Variants in ACTN2 observed in about 807,000 individuals in gnomAD.
ACTN2 encodes actinin alpha 2, also known as alpha-actinin-2.
ACTN2 carries 39 observed loss-of-function variants against 113.8 expected under a neutral mutation model. That is an observed-to-expected ratio of 0.34 (90% CI 0.27 to 0.45). The LOEUF is 0.45. Ranked by LOEUF, ACTN2 falls within the 20% of genes least tolerant of loss-of-function variation. The pLI is 1.00. For missense variants in ACTN2, 992 were observed against 1,177.9 expected, an observed-to-expected ratio of 0.84 and a Z score of 2.31; for synonymous variants, 429 against 444.1, an observed-to-expected ratio of 0.97 and a Z score of 0.43.
At chr1:236,753,600 C>G (rs140957577) in intron 15 of ACTN2, among the ~76,000 whole-genome samples, 1 of 152,222 alleles carries the variant, frequency 6.6e-6, no homozygotes, top group East Asian at 1.9e-4. Context: ...CCTCTGTACT[C>G]TGGACCTGGC....
chr1:236,763,172 G>A lies in ACTN2; in HGVS notation c.*553G>A. On this transcript the variant is annotated 3_prime_UTR_variant, in exon 21 of 21. Coordinates refer to ENST00000366578, the MANE Select transcript of ACTN2 (RefSeq NM_001103.4). ...TAATATTGTGAGATGGAACTGCCGG[G>A]GATTAAAAAGACTACCCAAAAGATT... 6.3e-6 allele frequency: 1 copy of A among 158,180 alleles called. No individual in the cohort carries two copies. Among genetic ancestry groups the A allele is most frequent in the Admixed American group, 6.1e-5 (1 of 16,326 alleles). 9.8% of individuals were successfully genotyped at this position (158,180 alleles called of 1,614,324 possible). A position where few individuals can be genotyped will look rare whatever the true frequency, so the allele number is the denominator to read the frequency against.
At chr1:236,740,119 CT>C (rs200227676) in intron 10 of ACTN2, among the ~76,000 whole-genome samples, 53 of 147,144 alleles carry the variant, frequency 3.6e-4, no homozygotes, top group Admixed American at 4.1e-4. Context: ...CACTCACTCA[CT>C]TTTTTTTTTT....
chr1:236,762,113 T>A (rs1054646222), intron 20 of ACTN2, among the ~76,000 whole-genome samples: 1 of 152,238 alleles, frequency 6.6e-6, no homozygotes, highest in African/African-American at 2.4e-5. Flanking sequence ...GCTGGAATTG[T>A]CCTATTTCCC....
chr1:236,700,213 C>T (rs1657632839), intron 1 of ACTN2, among the ~76,000 whole-genome samples: 1 of 152,194 alleles, frequency 6.6e-6, no homozygotes, highest in South Asian at 2.1e-4. Context: ...GACGGAGTCT[C>T]TCTCTATAGC....
At chr1:236,705,482 A>G (rs902345572) in intron 1 of ACTN2, among the ~76,000 whole-genome samples, 2 of 152,234 alleles carry the variant, frequency 1.3e-5, no homozygotes, top group Non-Finnish European at 2.9e-5. Flanking sequence ...AGCAGGAATG[A>G]AATGAATGTG....
rs528726906 is a variant in ACTN2, at chr1:236,762,990, A to G, written c.*371A>G. On this transcript the variant is annotated 3_prime_UTR_variant, in exon 21 of 21. Transcript: ENST00000366578. ...TACCCAAGATTTAAGACCGGGGGGA[A>G]AAAACCACAAATTGGTAAATAAAGG... 9.3e-6 allele frequency: 3 copies of G among 322,632 alleles called. No homozygotes were observed. Among genetic ancestry groups the G allele is most frequent in the South Asian group, 2.7e-5 (1 of 36,860 alleles). 20.0% of individuals were successfully genotyped at this position (322,632 alleles called of 1,614,324 possible).
Position 236,718,917 on chromosome 1 carries a change from C to T in ACTN2, c.265C>T (p.Arg89Trp), listed in dbSNP as rs369629689. The change falls in exon 3 of 21, where the codon CGG becomes TGG. Residue 89 changes from arginine (R) to tryptophan (W), a missense_variant. Coordinates refer to ENST00000366578, the MANE Select transcript of ACTN2 (RefSeq NM_001103.4). Reference protein sequence around the residue: ...ISGERLPKPDRGKMRFHKIAN... With the variant: ...ISGERLPKPDWGKMRFHKIAN... Reference sequence around the variant, plus strand: ...AGGGGAAAGGCTGCCCAAACCTGACCGGGGAAAAATGCGGTTCCACAAAAT... The same window carrying T: ...AGGGGAAAGGCTGCCCAAACCTGACTGGGGAAAAATGCGGTTCCACAAAAT... The T allele has an allele frequency of 2.9e-5, 46 of 1,613,998 alleles. No homozygotes were observed. The highest frequency in any genetic ancestry group is 1.6e-4 in the Middle Eastern group (1 of 6,084).
intron 14 of ACTN2, among the ~76,000 whole-genome samples, chr1:236,750,455 T>G (rs1407261577): frequency 2.0e-5 from 3 of 152,184 alleles, no homozygotes; most frequent in African/African-American, 7.2e-5. Context: ...ATTTTTGGAA[T>G]AAGTGAGACC....
Position 236,761,000 on chromosome 1 carries a change from G to A in ACTN2, c.2368-15G>A. The A allele has an allele frequency of 6.2e-7, 1 of 1,614,152 alleles. No homozygotes were observed. Among genetic ancestry groups the A allele is most frequent in the African/African-American group, 1.3e-5 (1 of 75,050 alleles). On this transcript the variant is annotated splice_polypyrimidine_tract_variant and intron_variant, in intron 19 of 20. Transcript: ENST00000366578. ...GTACCGTTCGTGTACATGTTTCTTT[G>A]CCACTTTGCCCCAGGGTGAAGCCGA... is the stretch of plus-strand genomic sequence containing the variant.
At chr1:236,747,501 AC>A (rs1488657854) in intron 12 of ACTN2, among the ~76,000 whole-genome samples, 165 bp from the exon 13 acceptor site, 3 of 151,400 alleles carry the variant, frequency 2.0e-5, no homozygotes, top group Non-Finnish European at 4.4e-5. Context: ...CCACCCCCTC[AC>A]CCTTCTGAGC....
intron 1 of ACTN2, among the ~76,000 whole-genome samples, chr1:236,703,889 C>A (rs1246770050): frequency 3.3e-5 from 5 of 151,866 alleles, no homozygotes; most frequent in Admixed American, 1.3e-4. Context: ...AGGACTCCTG[C>A]AAATGGTAAT....
At chr1:236,704,780 G>A (rs553904143) in intron 1 of ACTN2, among the ~76,000 whole-genome samples, 12 of 152,270 alleles carry the variant, frequency 7.9e-5, no homozygotes, top group South Asian at 2.1e-4. Flanking sequence ...CTCCATCCTC[G>A]TGGGCTTTTG....
intron 9 of ACTN2, among the ~76,000 whole-genome samples, chr1:236,738,716 G>A (rs1658967967): frequency 6.6e-6 from 1 of 152,180 alleles, no homozygotes; most frequent in Non-Finnish European, 1.5e-5. Flanking sequence ...AATTCAAGAG[G>A]TGCATGTGTA....
At chr1:236,708,323 G>A (rs549621583) in intron 1 of ACTN2, among the ~76,000 whole-genome samples, 227 of 152,204 alleles carry the variant, frequency 1.5e-3, no homozygotes, top group African/African-American at 5.1e-3. Context: ...CAAAATCCTT[G>A]GGATTAACAC....
intron 15 of ACTN2, 108 bp downstream of exon 15, chr1:236,751,760 A>G (rs1269402455): frequency 7.5e-7 from 1 of 1,339,110 alleles, no homozygotes; most frequent in Non-Finnish European, 1.1e-6. Flanking sequence ...ATTTTGCATC[A>G]TGATCAGGAT....
chr1:236,729,457 G>C (rs183039823), intron 6 of ACTN2, among the ~76,000 whole-genome samples: 4 of 152,200 alleles, frequency 2.6e-5, no homozygotes, highest in Admixed American at 1.3e-4. Context: ...CGCCATTCAC[G>C]TGCTGTTGCT....
chr1:236,737,298 C>CATATATAT lies in ACTN2; in HGVS notation c.876+97_876+104dup, dbSNP rs67318171. On this transcript the variant is annotated intron_variant, in intron 9 of 20. Coordinates refer to ENST00000366578, the MANE Select transcript of ACTN2 (RefSeq NM_001103.4). ...AGGGTGAAAAAATACTCCGTGGGGG[C>CATATATAT]ATATATATATATATATATATTTTGC... The CATATATAT allele has an allele frequency of 5.5e-4, 191 of 344,284 alleles. 7 individuals carry two copies. Among genetic ancestry groups the CATATATAT allele is most frequent in the African/African-American group, 2.8e-3 (111 of 39,756 alleles). The allele number at this position is 344,284 out of a possible 1,614,324, so 21.3% of individuals were successfully genotyped here.
At chr1:236,761,249 T>A in intron 20 of ACTN2, 76 bp downstream of exon 20, 1 of 1,571,024 alleles carries the variant, frequency 6.4e-7, no homozygotes, top group Non-Finnish European at 8.7e-7. Context: ...AACAGTGTTG[T>A]AAATAAAAAC....
chr1:236,751,615 C>T lies in ACTN2; in HGVS notation c.1802C>T (p.Thr601Ile). 6.2e-7 allele frequency: 1 copy of T among 1,613,984 alleles called. No homozygotes were observed. Among genetic ancestry groups the T allele is most frequent in the Non-Finnish European group, 8.5e-7 (1 of 1,179,902 alleles). ...ATCAGCTCAAGCAACCCGTACAGCACTGTCACCATGGATGAGCTCCGGACC... is the reference window on the plus strand; with the variant it reads ...ATCAGCTCAAGCAACCCGTACAGCATTGTCACCATGGATGAGCTCCGGACC... The part of the protein sequence containing the change: ...IRISSSNPYS[T>I]VTMDELRTKW... Residue 601 changes from threonine (T) to isoleucine (I), a missense_variant, in exon 15 of 21, where the codon ACT becomes ATT. This residue lies in a region of ACTN2 where 736 missense variants were observed against 815.4 expected (regional missense o/e 0.90). Coordinates refer to ENST00000366578, the MANE Select transcript of ACTN2 (RefSeq NM_001103.4).
Sources: allele counts gnomAD v4.1 joint callset (sites outside exome capture counted in the v4.1 genomes callset), GRCh38; gene constraint gnomAD v4.1.1; regional missense constraint gnomAD v4.1.1; transcripts MANE v1.5; gene names NCBI Gene and HGNC (gene_info 2026-07-23, HGNC 2026-07-21).